The following PBX1 variants were observed in gnomAD, a reference collection of about 807,000 sequenced individuals.
The protein encoded by PBX1 is pre-B-cell leukemia transcription factor 1.
In PBX1, 6 loss-of-function variants were observed where a neutral mutation model predicts 53.4. The ratio of observed to expected loss-of-function variants is 0.11; its 90% CI spans 0.06 to 0.22. The LOEUF is 0.22. PBX1 is among the 10% of genes least tolerant of loss of function. The pLI is 1.00. For synonymous variants in PBX1, 204 were observed against 212.3 expected (o/e 0.96, Z 0.34); for missense variants, 251 against 551.4 (o/e 0.46, Z 5.46).
At chr1:164,596,034 A>G (rs1467648418) in intron 2 of PBX1, among the ~76,000 whole-genome samples, 1 of 152,162 alleles carries the variant, frequency 6.6e-6, no homozygotes, top group African/African-American at 2.4e-5. Context: ...TGAGTTGTAA[A>G]GAACAAGTAA....
chr1:164,562,979 A>C (rs1293946112), intron 1 of PBX1: 1 of 235,050 alleles, frequency 4.3e-6, no homozygotes, highest in African/African-American at 2.3e-5. Flanking sequence ...AAAAAAAAAA[A>C]ACCCTTTCCC....
chr1:164,766,890 G>A (rs1667086226), intron 2 of PBX1, among the ~76,000 whole-genome samples: 1 of 151,684 alleles, frequency 6.6e-6, no homozygotes, highest in Admixed American at 6.6e-5. Flanking sequence ...ACCATATCCA[G>A]CTAATCTTTT....
rs1440621074 is a variant in PBX1, at chr1:164,847,698, C to T, written c.*1022C>T. The T allele has an allele frequency of 9.5e-7, 1 of 1,056,458 alleles. No homozygotes were observed. Among genetic ancestry groups the T allele is most frequent in the Non-Finnish European group, 1.1e-6 (1 of 873,826 alleles). The allele number at this position is 1,056,458 out of a possible 1,614,324, so 65.4% of individuals were successfully genotyped here. ...CCGAGATGCCATATACAATTACCTA[C>T]ATTAATAACTGTAGCACTATGCCTT... is the stretch of plus-strand genomic sequence containing the variant. On this transcript the variant is annotated 3_prime_UTR_variant, in exon 9 of 9. Transcript: ENST00000420696.
intron 2 of PBX1, among the ~76,000 whole-genome samples, chr1:164,594,145 G>T (rs1270241651): frequency 6.6e-6 from 1 of 152,114 alleles, no homozygotes; most frequent in Non-Finnish European, 1.5e-5. Flanking sequence ...TTAGAGATAA[G>T]GACGTTGAGC....
intron 2 of PBX1, among the ~76,000 whole-genome samples, chr1:164,654,340 G>C (rs2101930630): frequency 1.3e-5 from 2 of 152,254 alleles, no homozygotes; most frequent in East Asian, 3.9e-4. Context: ...CAGAAAAGAG[G>C]CCCAGTCTTT....
intron 2 of PBX1, chr1:164,626,005 C>G: frequency 9.6e-7 from 1 of 1,041,788 alleles, no homozygotes; most frequent in African/African-American, 1.7e-5. Context: ...CTGTTCGGCA[C>G]AGAGTACTCT....
At chr1:164,869,884 G>A (rs1350915959) in intron 2 of PBX1, among the ~76,000 whole-genome samples, 1 of 152,172 alleles carries the variant, frequency 6.6e-6, no homozygotes, top group African/African-American at 2.4e-5. Context: ...AGAGTATACA[G>A]CACATTCAAA....
At chr1:164,730,512 T>C (rs1228756047) in intron 2 of PBX1, among the ~76,000 whole-genome samples, 2 of 152,170 alleles carry the variant, frequency 1.3e-5, no homozygotes. Flanking sequence ...AGGTATTCCC[T>C]CCTCTACCCT....
intron 2 of PBX1, among the ~76,000 whole-genome samples, chr1:164,651,136 A>G (rs968204182): frequency 1.3e-5 from 2 of 152,208 alleles, no homozygotes; most frequent in Admixed American, 6.5e-5. Flanking sequence ...TGAAATTTGT[A>G]TGTTAAAACA....
downstream of PBX1, among the ~76,000 whole-genome samples, chr1:164,855,992 C>CCATCTTGATTTCCATT (rs1671968234): frequency 6.6e-6 from 1 of 152,186 alleles, no homozygotes; most frequent in Non-Finnish European, 1.5e-5. Flanking sequence ...ATTTCCATTT[C>CCATCTTGATTTCCATT]CCTTTAAACC....
At chr1:164,577,746 T>C (rs1446409666) in intron 2 of PBX1, among the ~76,000 whole-genome samples, 1 of 152,146 alleles carries the variant, frequency 6.6e-6, no homozygotes, top group African/African-American at 2.4e-5. Flanking sequence ...AATTCCCTCA[T>C]TACTTCGAAA....
intron 2 of PBX1, among the ~76,000 whole-genome samples, chr1:164,686,862 T>C (rs2635026): frequency 0.64 from 97,595 of 151,404 alleles, 31,593 homozygotes; most frequent in East Asian, 0.79. Context: ...GAGGCTGGGG[T>C]AGGAGAATGT....
At chr1:164,587,652 C>T (rs552414306) in intron 2 of PBX1, among the ~76,000 whole-genome samples, 2 of 152,296 alleles carry the variant, frequency 1.3e-5, no homozygotes, top group East Asian at 3.9e-4. Context: ...GGATTCACTT[C>T]CTAACCCAGT....
At chr1:164,770,255 T>C (rs765561560) in intron 2 of PBX1, 6 of 152,232 alleles carry the variant, frequency 3.9e-5, no homozygotes, top group Non-Finnish European at 8.8e-5. Flanking sequence ...ATCTCTGCTC[T>C]TTATAGATAA....
At position 164,848,709 on chromosome 1, in the gene PBX1, CCTGTCACATTGA is replaced by C. The variant is rs1671687546; in HGVS notation, c.*2037_*2048del. 1.8e-5 allele frequency: 19 copies of C among 1,056,344 alleles called. No homozygotes were observed. The highest frequency in any genetic ancestry group is 2.2e-5 in the Non-Finnish European group (19 of 873,698). 65.4% of individuals were successfully genotyped at this position (1,056,344 alleles called of 1,614,324 possible). Reference sequence around the variant, plus strand: ...TATGTTGCCTTGTACATACTTGGTCCCTGTCACATTGACTGCTTGGGAGGCTTCCAGGGAGAA... The same window carrying C: ...TATGTTGCCTTGTACATACTTGGTCCCTGCTTGGGAGGCTTCCAGGGAGAA... On this transcript the variant is annotated 3_prime_UTR_variant, in exon 9 of 9. Coordinates refer to ENST00000420696, the MANE Select transcript of PBX1 (RefSeq NM_002585.4).
intron 7 of PBX1, 127 bp downstream of exon 7, chr1:164,820,311 G>C: frequency 1.7e-6 from 1 of 593,812 alleles, no homozygotes. Context: ...CCTTACCAAC[G>C]ACCGAACCAA....
Position 164,850,340 on chromosome 1 carries a change from T to TACA in PBX1, c.*3665_*3666insCAA, listed in dbSNP as rs1671771409. 1 of 122,218 alleles carries TACA rather than the reference T, an allele frequency of 8.2e-6. No individual in the cohort carries two copies. Among genetic ancestry groups the TACA allele is most frequent in the Admixed American group, 1.0e-4 (1 of 9,628 alleles). The allele number at this position is 122,218 out of a possible 1,614,324, so 7.6% of individuals were successfully genotyped here. A position where few individuals can be genotyped will look rare whatever the true frequency, so the allele number is the denominator to read the frequency against. On this transcript the variant is annotated 3_prime_UTR_variant, in exon 9 of 9. Coordinates refer to ENST00000420696, the MANE Select transcript of PBX1 (RefSeq NM_002585.4). ...AGTGACAGTAATTCATTTTGTAAAC[T>TACA]AAAAAAAAAAAAAAAAAGGTTGGAA...
At chr1:164,627,099 A>G (rs1331523924) in intron 2 of PBX1, among the ~76,000 whole-genome samples, 1 of 152,164 alleles carries the variant, frequency 6.6e-6, no homozygotes, top group East Asian at 1.9e-4. Flanking sequence ...TAAATCTTGT[A>G]TTACTAATGC....
chr1:164,634,008 G>A (rs1046476588), intron 2 of PBX1, among the ~76,000 whole-genome samples: 3 of 152,172 alleles, frequency 2.0e-5, no homozygotes, highest in Non-Finnish European at 4.4e-5. Flanking sequence ...AACAGTCCCG[G>A]GTGGCGTTAT....
Sources: gnomAD v4.1 joint callset for allele counts (sites outside exome capture counted in the v4.1 genomes callset) on GRCh38, gnomAD v4.1.1 for gene constraint, MANE v1.5 for transcripts, NCBI Gene and HGNC (gene_info 2026-07-23, HGNC 2026-07-21) for gene names.